The following ROBO2 variants were observed in gnomAD, a reference collection of about 807,000 sequenced individuals.
ROBO2 encodes the protein roundabout guidance receptor 2, also known as roundabout homolog 2.
In ROBO2, 53 loss-of-function variants were observed where a neutral mutation model predicts 160.8. The observed-to-expected ratio is 0.33, with a 90% confidence interval of 0.26 to 0.41. The LOEUF is 0.41. ROBO2 is among the 10% of genes least tolerant of loss of function. The probability of loss-of-function intolerance (pLI) is 1.00; values close to 1 mark genes in which losing one functional copy is unlikely to be tolerated. For synonymous variants in ROBO2, 664 were observed against 611.7 expected, an observed-to-expected ratio of 1.09 and a Z score of -1.26; for missense variants, 1,577 against 1,722.4, an observed-to-expected ratio of 0.92 and a Z score of 1.49.
At chr3:76,510,397 G>C (rs1166742164) in intron 2 of ROBO2, among the ~76,000 whole-genome samples, 3 of 152,164 alleles carry the variant, frequency 2.0e-5, no homozygotes, top group African/African-American at 7.2e-5. Context: ...ATAAACTGTT[G>C]AAGTTCTATG....
At chr3:76,664,922 G>C (rs1240581699) in intron 2 of ROBO2, among the ~76,000 whole-genome samples, 1 of 152,170 alleles carries the variant, frequency 6.6e-6, no homozygotes, top group Admixed American at 6.5e-5. Context: ...AGAACCAGGA[G>C]ACAGTACTGG....
At chr3:77,454,795 G>A (rs2081454155) in intron 2 of ROBO2, among the ~76,000 whole-genome samples, 1 of 151,916 alleles carries the variant, frequency 6.6e-6, no homozygotes, top group Non-Finnish European at 1.5e-5. Context: ...TATGTTATTT[G>A]TTTATATCCA....
chr3:76,868,000 C>T (rs976390053), intron 2 of ROBO2, among the ~76,000 whole-genome samples: 2 of 152,102 alleles, frequency 1.3e-5, no homozygotes, highest in African/African-American at 4.8e-5. Context: ...TCTCTCCCCT[C>T]GAGATACAAA....
At chr3:77,562,587 C>T in intron 9 of ROBO2, 64 bp from the exon 11 acceptor site, 1 of 1,143,996 alleles carries the variant, frequency 8.7e-7, no homozygotes, top group Non-Finnish European at 1.3e-6. Flanking sequence ...GCCTGGCTGT[C>T]ATTGAGTAAT....
intron 2 of ROBO2, among the ~76,000 whole-genome samples, chr3:76,048,651 C>T (rs2035707): frequency 0.02 from 3,112 of 152,100 alleles, 42 homozygotes; most frequent in East Asian, 0.079. Context: ...TATTTTAAGG[C>T]GATTCATAGG....
chr3:77,197,802 G>A (rs56311343), intron 2 of ROBO2, among the ~76,000 whole-genome samples: 29,642 of 152,000 alleles, frequency 0.2, 3,283 homozygotes, highest in Middle Eastern at 0.3. Flanking sequence ...GTTATCTCAG[G>A]TTATCTGGGT....
Position 77,363,924 on chromosome 3 carries a change from A to T in ROBO2, c.389-113490A>T, listed in dbSNP as rs2070443194. ...ACAGGGGGCTGGGAGAAGGGCAGACAGAGGCTTTGCTTTGAGGGCTTCTAA... is the reference window on the plus strand; with the variant it reads ...ACAGGGGGCTGGGAGAAGGGCAGACTGAGGCTTTGCTTTGAGGGCTTCTAA... On this transcript the variant is annotated intron_variant, in intron 2 of 25. Transcript: ENST00000461745. Among the ~76,000 whole-genome samples, 3 of 152,174 alleles carry T rather than the reference A, an allele frequency of 2.0e-5. No homozygotes were observed. In the South Asian group the frequency reaches 6.2e-4, roughly 31 times the overall value.
intron 2 of ROBO2, among the ~76,000 whole-genome samples, chr3:76,355,163 A>G (rs2108323187): frequency 6.6e-6 from 1 of 151,852 alleles, no homozygotes; most frequent in East Asian, 1.9e-4. Flanking sequence ...AAACCGCCAC[A>G]CATTTTAATC....
At chr3:76,546,987 C>A (rs776043480) in intron 2 of ROBO2, among the ~76,000 whole-genome samples, 3 of 152,010 alleles carry the variant, frequency 2.0e-5, no homozygotes, top group African/African-American at 7.2e-5. Flanking sequence ...TTTAAGCAAT[C>A]CAGTTTAAGA....
rs149162281 is a variant in ROBO2 at position 76,212,990 on chromosome 3, T to C, written c.109+275388T>C. 1.2e-4 allele frequency among the ~76,000 whole-genome samples: 19 copies of C among 152,238 alleles called. No individual in the cohort carries two copies. The East Asian group carries it at 3.3e-3, about 26-fold the overall frequency. On this transcript the variant is annotated intron_variant, in intron 2 of 26. Transcript: ENST00000487694. ...AATGCTACAGAAATCTTAAGGCCTA[T>C]TTTGTAAGTTAAACACTATCTCTTT...
At chr3:75,922,930 C>T (rs935937068) in intron 1 of ROBO2, among the ~76,000 whole-genome samples, 2 of 152,036 alleles carry the variant, frequency 1.3e-5, no homozygotes, top group African/African-American at 4.8e-5. Context: ...ATATGCATTC[C>T]ATTAGTTCTT....
intron 2 of ROBO2, among the ~76,000 whole-genome samples, chr3:76,064,399 G>A (rs918294083): frequency 6.6e-6 from 1 of 152,042 alleles, no homozygotes; most frequent in Non-Finnish European, 1.5e-5. Flanking sequence ...CTTCAAATTC[G>A]AGGAGTCAGC....
At position 76,472,897 on chromosome 3, in the gene ROBO2, G is replaced by C. The variant is rs142815210; in HGVS notation, c.109+535295G>C. ...AGCATGTCAGTCTCATGAAAAAAGTGCTGAACAGACACAGGTAATCCATGC... is the reference window on the plus strand; with the variant it reads ...AGCATGTCAGTCTCATGAAAAAAGTCCTGAACAGACACAGGTAATCCATGC... On this transcript the variant is annotated intron_variant, in intron 2 of 26. Transcript: ENST00000487694. 2.9e-3 allele frequency among the ~76,000 whole-genome samples: 444 copies of C among 152,294 alleles called. 1 individual carries two copies. The highest frequency in any genetic ancestry group is 9.8e-3 in the African/African-American group (406 of 41,580).
intron 2 of ROBO2, among the ~76,000 whole-genome samples, chr3:76,239,387 A>G (rs1705156017): frequency 1.3e-5 from 2 of 151,632 alleles, no homozygotes; most frequent in South Asian, 2.1e-4. Context: ...CATATATAGT[A>G]TGTATCTAGA....
intron 2 of ROBO2, among the ~76,000 whole-genome samples, chr3:76,066,084 T>A (rs1293522674): frequency 1.3e-5 from 2 of 152,108 alleles, no homozygotes; most frequent in African/African-American, 2.4e-5. Context: ...ATCATGTAGC[T>A]TTTATACAAA....
intron 2 of ROBO2, among the ~76,000 whole-genome samples, chr3:77,147,768 A>G (rs2077230579): frequency 6.6e-6 from 1 of 152,208 alleles, no homozygotes; most frequent in Non-Finnish European, 1.5e-5. Context: ...ACACAGGCAG[A>G]TAGTTACCTT....
intron 2 of ROBO2, among the ~76,000 whole-genome samples, chr3:76,572,443 G>A (rs1199904030): frequency 6.6e-6 from 1 of 152,030 alleles, no homozygotes; most frequent in Non-Finnish European, 1.5e-5. Flanking sequence ...TTTGAACTAG[G>A]AAGTGAGTCC....
intron 2 of ROBO2, among the ~76,000 whole-genome samples, chr3:77,354,633 T>C (rs533344985): frequency 6.6e-6 from 1 of 152,316 alleles, no homozygotes; most frequent in East Asian, 1.9e-4. Flanking sequence ...AATTAAGGTG[T>C]TATCTGAATC....
intron 2 of ROBO2, among the ~76,000 whole-genome samples, chr3:77,118,280 C>T (rs1209644205): frequency 1.3e-5 from 2 of 151,956 alleles, no homozygotes; most frequent in Non-Finnish European, 2.9e-5. Flanking sequence ...AGAATATGCT[C>T]AGTAATTTAG....
Sources: allele counts gnomAD v4.1 joint callset (sites outside exome capture counted in the v4.1 genomes callset), GRCh38; gene constraint gnomAD v4.1.1; transcripts MANE v1.5; gene names NCBI Gene and HGNC (gene_info 2026-07-23, HGNC 2026-07-21).